The following PID1 variants were observed in gnomAD, a reference collection of about 807,000 sequenced individuals.
PID1 encodes the protein PTB-containing, cubilin and LRP1-interacting protein.
Under a neutral mutation model 19.1 loss-of-function variants are expected in PID1, and 10 were observed. The ratio of observed to expected loss-of-function variants is 0.52; its 90% CI spans 0.32 to 0.89. The LOEUF is 0.89. Ranked by LOEUF, PID1 falls within the 40% of genes least tolerant of loss-of-function variation. The probability of loss-of-function intolerance (pLI) is 0.03; values close to 1 mark genes in which losing one functional copy is unlikely to be tolerated. For missense variants in PID1, 248 were observed against 285.3 expected (o/e 0.87, Z 0.94); for synonymous variants, 130 against 116.0 (o/e 1.12, Z -0.78).
rs1384286560 is a variant in PID1, at chr2:229,230,697, AAAG to A, written c.30+40314_30+40316del. Among the ~76,000 whole-genome samples, 14 of 152,330 alleles carry A rather than the reference AAAG, an allele frequency of 9.2e-5. No individual in the cohort carries two copies. The South Asian group carries it at 2.5e-3, about 27-fold the overall frequency. On this transcript the variant is annotated intron_variant, in intron 1 of 2. Transcript: ENST00000392055. ...CTTTGTCTGAGTTACTGGGAATGAA[AAAG>A]AAGTTAGTTTTTTAATTTTACATAT...
At position 229,024,936 on chromosome 2, in the gene PID1, C is replaced by A. The variant is rs1693378245; in HGVS notation, c.*696G>T. ...AGAAGGGGAAAGAGGGTGGACAGGG[C>A]AGCAGGAGGGAAAGGGAAGGGGTCA... On this transcript the variant is annotated 3_prime_UTR_variant, in exon 3 of 3. Transcript: ENST00000392055. 6.6e-6 allele frequency: 1 copy of A among 152,582 alleles called. No individual in the cohort carries two copies. The highest frequency in any genetic ancestry group is 2.4e-5 in the African/African-American group (1 of 41,378). The allele number at this position is 152,582 out of a possible 1,614,324, so 9.5% of individuals were successfully genotyped here. A position where few individuals can be genotyped will look rare whatever the true frequency, so the allele number is the denominator to read the frequency against.
At chr2:229,210,017 T>C (rs1290364718) in intron 1 of PID1, among the ~76,000 whole-genome samples, 1 of 151,950 alleles carries the variant, frequency 6.6e-6, no homozygotes, top group African/African-American at 2.4e-5. Flanking sequence ...ACAAAATATC[T>C]CCCAAGAGCA....
intron 2 of PID1, among the ~76,000 whole-genome samples, chr2:229,150,320 G>A (rs1471382742): frequency 1.3e-5 from 2 of 151,808 alleles, no homozygotes; most frequent in Non-Finnish European, 2.9e-5. Flanking sequence ...TGTTCACCTC[G>A]GACATCCAAG....
chr2:229,156,065 G>T, intron 1 of PID1, 101 bp from the exon 2 acceptor site: 3 of 1,039,902 alleles, frequency 2.9e-6, no homozygotes, highest in South Asian at 3.1e-5. Flanking sequence ...TATTGACTCT[G>T]TTCTATTAGG....
chr2:229,235,765 G>T (rs180884428), intron 1 of PID1, among the ~76,000 whole-genome samples: 13 of 152,212 alleles, frequency 8.5e-5, no homozygotes, highest in Non-Finnish European at 1.5e-4. Flanking sequence ...ATCATTCCAA[G>T]AAACTGGCTA....
At chr2:229,137,621 C>A (rs1223354649) in intron 2 of PID1, among the ~76,000 whole-genome samples, 1 of 152,170 alleles carries the variant, frequency 6.6e-6, no homozygotes, top group African/African-American at 2.4e-5. Context: ...AAATCAATCT[C>A]TAGGTGCTGA....
intron 2 of PID1, among the ~76,000 whole-genome samples, chr2:229,070,758 A>C (rs1356761148): frequency 6.6e-6 from 1 of 152,176 alleles, no homozygotes; most frequent in Non-Finnish European, 1.5e-5. Flanking sequence ...GAGTTTTAAA[A>C]TACTGATTAG....
At chr2:229,139,051 A>G (rs1435364211) in intron 2 of PID1, among the ~76,000 whole-genome samples, 21 of 68,572 alleles carry the variant, frequency 3.1e-4, no homozygotes, top group East Asian at 7.2e-4. Flanking sequence ...GAAAGAAAGA[A>G]AGAAAGAGAA....
intron 1 of PID1, among the ~76,000 whole-genome samples, chr2:229,169,680 G>A (rs936180065): frequency 1.3e-5 from 2 of 152,058 alleles, no homozygotes; most frequent in African/African-American, 4.8e-5. Flanking sequence ...CATGAATACT[G>A]ACTATCTGGT....
Position 229,205,270 on chromosome 2 carries a change from C to A in PID1, c.31-49306G>T, listed in dbSNP as rs553670023. Among the ~76,000 whole-genome samples, 39 of 151,990 alleles carry A rather than the reference C, an allele frequency of 2.6e-4. No individual in the cohort carries two copies. The South Asian group carries it at 8.1e-3, about 32-fold the overall frequency. On this transcript the variant is annotated intron_variant, in intron 1 of 2. Coordinates refer to ENST00000392055, the MANE Select transcript of PID1 (RefSeq NM_001100818.2). Reference sequence around the variant, plus strand: ...TACACACACATACTACATACACACACAAACACACACATACTATATTTTTTA... The same window carrying A: ...TACACACACATACTACATACACACAAAAACACACACATACTATATTTTTTA...
At chr2:229,228,085 G>A (rs745348192) in intron 1 of PID1, 39 of 455,654 alleles carry the variant, frequency 8.6e-5, no homozygotes, top group South Asian at 3.9e-4. Flanking sequence ...AGGCAAATGC[G>A]TGAGAATAAA....
chr2:229,257,577 A>G (rs938233823), intron 1 of PID1, among the ~76,000 whole-genome samples: 3 of 152,220 alleles, frequency 2.0e-5, no homozygotes, highest in African/African-American at 7.2e-5. Context: ...AGTTTAATTT[A>G]CAATGCATTC....
chr2:229,124,020 A>C (rs78135548), intron 2 of PID1, among the ~76,000 whole-genome samples: 1 of 152,330 alleles, frequency 6.6e-6, no homozygotes, highest in African/African-American at 2.4e-5. Flanking sequence ...TTGGCAGGTC[A>C]GAGCACTGTT....
At chr2:229,140,137 G>C (rs1689982037) in intron 2 of PID1, among the ~76,000 whole-genome samples, 1 of 152,186 alleles carries the variant, frequency 6.6e-6, no homozygotes, top group African/African-American at 2.4e-5. Flanking sequence ...GAATCACCTA[G>C]GTTGTGGACA....
intron 1 of PID1, among the ~76,000 whole-genome samples, chr2:229,196,281 C>T (rs1372617568): frequency 1.3e-5 from 2 of 151,908 alleles, no homozygotes; most frequent in Non-Finnish European, 1.5e-5. Context: ...CATTGTTAAC[C>T]TTGATAAAAG....
chr2:229,121,744 T>C (rs1695526382), intron 2 of PID1, among the ~76,000 whole-genome samples: 1 of 152,226 alleles, frequency 6.6e-6, no homozygotes, highest in African/African-American at 2.4e-5. Flanking sequence ...TCAATAAATA[T>C]TTATTGAGTA....
At chr2:229,230,359 G>GA (rs1341880859) in intron 1 of PID1, among the ~76,000 whole-genome samples, 5 of 152,206 alleles carry the variant, frequency 3.3e-5, no homozygotes, top group African/African-American at 1.2e-4. Flanking sequence ...TTTGGTCAGT[G>GA]AAGCCAGGAC....
intron 1 of PID1, among the ~76,000 whole-genome samples, chr2:229,216,778 G>C (rs1177297012): frequency 6.6e-6 from 1 of 152,080 alleles, no homozygotes; most frequent in Non-Finnish European, 1.5e-5. Context: ...ACAAAACAGT[G>C]ACTGTCCCAG....
intron 2 of PID1, among the ~76,000 whole-genome samples, chr2:229,142,619 A>G (rs1274113162): frequency 6.6e-6 from 1 of 152,222 alleles, no homozygotes; most frequent in Admixed American, 6.5e-5. Context: ...TGGCCATCAG[A>G]GAAATGCAAA....
Sources: allele counts gnomAD v4.1 joint callset (sites outside exome capture counted in the v4.1 genomes callset), GRCh38; gene constraint gnomAD v4.1.1; transcripts MANE v1.5; gene names NCBI Gene and HGNC (gene_info 2026-07-23, HGNC 2026-07-21).